Variants in HIVEP1 observed in about 807,000 individuals in gnomAD.
HIVEP1 encodes the protein zinc finger protein 40.
HIVEP1 carries 36 observed loss-of-function variants against 180.0 expected under a neutral mutation model. That is an observed-to-expected ratio of 0.20 (90% confidence interval 0.15 to 0.26). The LOEUF (loss-of-function observed/expected upper bound fraction) is 0.26, where lower values mean the gene tolerates loss of function less well. Ranked by LOEUF, HIVEP1 falls within the 10% of genes least tolerant of loss-of-function variation. The probability of loss-of-function intolerance (pLI) is 1.00; values close to 1 mark genes in which losing one functional copy is unlikely to be tolerated. For synonymous variants in HIVEP1, 1,239 were observed against 1,239.0 expected, an observed-to-expected ratio of 1.00 and a Z score of 0.00; for missense variants, 3,143 against 3,268.7, an observed-to-expected ratio of 0.96 and a Z score of 0.94.
chr6:12,009,706 A>G (rs575296806), upstream of HIVEP1, among the ~76,000 whole-genome samples: 17 of 152,254 alleles, frequency 1.1e-4, no homozygotes, highest in Non-Finnish European at 2.4e-4. Context: ...ATATCTGGGA[A>G]GAATTGTAGG....
chr6:12,119,739 A>G, intron 3 of HIVEP1, 151 bp from the exon 4 acceptor site: 1 of 556,014 alleles, frequency 1.8e-6, no homozygotes, highest in Non-Finnish European at 3.1e-6. Context: ...CGGAATGCAG[A>G]AGTGCAATTT....
intron 2 of HIVEP1, among the ~76,000 whole-genome samples, chr6:12,047,396 G>C (rs1454289992): frequency 6.6e-6 from 1 of 152,214 alleles, no homozygotes; most frequent in Admixed American, 6.5e-5. Context: ...TCAGGAAGTT[G>C]GACGGTTGGC....
intron 2 of HIVEP1, among the ~76,000 whole-genome samples, chr6:12,086,770 G>C (rs1481588393): frequency 2.0e-5 from 3 of 152,078 alleles, no homozygotes; most frequent in African/African-American, 7.2e-5. Context: ...TAATATGTAT[G>C]CACGTGGGAT....
At chr6:12,184,062 C>T in the HIVEP1 span, among the ~76,000 whole-genome samples, 39 of 140,234 alleles carry the variant, frequency 2.8e-4, no homozygotes, top group African/African-American at 8.1e-4. Flanking sequence ...GACAGACAGA[C>T]TGATTTGGGG....
chr6:12,208,752 T>G, the HIVEP1 span, among the ~76,000 whole-genome samples: 2 of 152,210 alleles, frequency 1.3e-5, no homozygotes, highest in South Asian at 4.2e-4. Context: ...GAAGGTGCCA[T>G]CTACCAGCCA....
At chr6:12,078,274 G>T (rs905898119) in intron 2 of HIVEP1, among the ~76,000 whole-genome samples, 1 of 152,114 alleles carries the variant, frequency 6.6e-6, no homozygotes, top group Non-Finnish European at 1.5e-5. Context: ...AGTCTCGGTG[G>T]TCTGTGTTTC....
At chr6:12,195,134 C>T in the HIVEP1 span, among the ~76,000 whole-genome samples, 1 of 152,168 alleles carries the variant, frequency 6.6e-6, no homozygotes. Flanking sequence ...ATCTCTGACT[C>T]CAGATAAATT....
At position 12,032,351 on chromosome 6, in the gene HIVEP1, C is replaced by T. The variant is rs578255985; in HGVS notation, c.40+16683C>T. The stretch of plus-strand genomic sequence containing the variant: ...TAGAGACAGGGTTTCACTGTGTTAG[C>T]CAGGATGGTCTCGATTTCCTGACCT... On this transcript the variant is annotated intron_variant, in intron 2 of 8. Transcript: ENST00000379388. Among the ~76,000 whole-genome samples the T allele has an allele frequency of 7.7e-4, 117 of 152,026 alleles. 2 individuals carry two copies. Among genetic ancestry groups the T allele is most frequent in the Non-Finnish European group, 1.3e-3 (89 of 67,976 alleles).
the HIVEP1 span, among the ~76,000 whole-genome samples, chr6:12,188,447 A>G: frequency 6.6e-6 from 1 of 152,200 alleles, no homozygotes; most frequent in Non-Finnish European, 1.5e-5. Flanking sequence ...GGAAAAAAAG[A>G]GAAATGAAAA....
intron 7 of HIVEP1, among the ~76,000 whole-genome samples, chr6:12,154,774 C>T (rs1759921454): frequency 6.6e-6 from 1 of 152,132 alleles, no homozygotes; most frequent in Admixed American, 6.5e-5. Context: ...ATGTATGTAA[C>T]AAACCTGCAC....
At chr6:12,118,739 A>G (rs1775375710) in intron 3 of HIVEP1, among the ~76,000 whole-genome samples, 1 of 152,220 alleles carries the variant, frequency 6.6e-6, no homozygotes, top group African/African-American at 2.4e-5. Context: ...TTTGTTGGTA[A>G]GAAACCACAA....
Position 12,121,290 on chromosome 6 carries a change from G to C in HIVEP1, c.1495G>C (p.Gly499Arg). The change falls in exon 4 of 9, where the codon GGC becomes CGC. Residue 499 changes from glycine to arginine, a missense_variant. Physicochemically the swap from Gly to Arg is moderately radical, Grantham distance 125. Coordinates refer to ENST00000379388, the MANE Select transcript of HIVEP1 (RefSeq NM_002114.4). The surrounding 1 kb of genome is among the most constrained non-coding windows in gnomAD (Gnocchi z 5.3). ...VEDSGESEEE[G>R]ATDERQHDLG... ...AGACAGTGGGGAGAGCGAGGAGGAA[G>C]GCGCCACTGATGAGAGACAGCATGA... 27 of 1,614,160 alleles carry C rather than the reference G, an allele frequency of 1.7e-5. No individual in the cohort carries two copies. Among genetic ancestry groups the C allele is most frequent in the East Asian group, 2.2e-5 (1 of 44,888 alleles).
intron 2 of HIVEP1, among the ~76,000 whole-genome samples, chr6:12,017,664 G>T (rs934874308): frequency 2.0e-5 from 3 of 152,202 alleles, no homozygotes; most frequent in African/African-American, 7.2e-5. Flanking sequence ...TTTTGACAGG[G>T]TGCTGATTGG....
rs1771380270 is a variant in HIVEP1 at position 12,063,626 on chromosome 6, G to A, written c.41-25558G>A. 6.6e-6 allele frequency among the ~76,000 whole-genome samples: 1 copy of A among 152,264 alleles called. No homozygotes were observed. Among genetic ancestry groups the A allele is most frequent in the East Asian group, 1.9e-4 (1 of 5,176 alleles). On this transcript the variant is annotated intron_variant, in intron 2 of 8. Coordinates refer to ENST00000379388, the MANE Select transcript of HIVEP1 (RefSeq NM_002114.4). This position sits in a 1 kb window ranked among gnomAD's most constrained non-coding sequence, Gnocchi z 4.2. ...GGGGAGAGAAGGGGCTTGGATCTGGGTGGCTGAAGTGGGCAGCTTGGAGAG... is the reference window on the plus strand; with the variant it reads ...GGGGAGAGAAGGGGCTTGGATCTGGATGGCTGAAGTGGGCAGCTTGGAGAG...
the HIVEP1 span, among the ~76,000 whole-genome samples, chr6:12,184,819 T>C: frequency 6.6e-6 from 1 of 152,218 alleles, no homozygotes; most frequent in African/African-American, 2.4e-5. Context: ...AAAAGTGATA[T>C]GTATTATTAT....
At chr6:12,065,518 T>C (rs1771510467) in intron 2 of HIVEP1, among the ~76,000 whole-genome samples, 1 of 152,180 alleles carries the variant, frequency 6.6e-6, no homozygotes, top group African/African-American at 2.4e-5. Context: ...GCATAGAGTA[T>C]CACTGTACCA....
rs750065423 is a variant in HIVEP1 at position 12,164,413 on chromosome 6, C to T, written c.8109C>T (p.Ser2703=). Residue 2703 remains serine, a synonymous_variant, in exon 9 of 9, where the codon AGC becomes AGT. Transcript: ENST00000379388. ...GGAGGCAGCCCACTGTGCACTTCAGCGACGTGAGCAGCGATGATGACGAGG... is the reference window on the plus strand; with the variant it reads ...GGAGGCAGCCCACTGTGCACTTCAGTGACGTGAGCAGCGATGATGACGAGG... The part of the protein sequence containing the change: ...LPRRQPTVHF[S]DVSSDDDEDR... The T allele has an allele frequency of 9.9e-6, 16 of 1,613,726 alleles. No homozygotes were observed. The highest frequency in any genetic ancestry group is 2.7e-5 in the African/African-American group (2 of 74,908).
intron 2 of HIVEP1, among the ~76,000 whole-genome samples, chr6:12,022,176 A>ATT (rs768678729): frequency 2.1e-5 from 3 of 146,058 alleles, no homozygotes; most frequent in Non-Finnish European, 4.6e-5. Flanking sequence ...CACATACAGG[A>ATT]TTTTTTTTTT....
intron 7 of HIVEP1, among the ~76,000 whole-genome samples, chr6:12,147,382 G>A (rs1201532203): frequency 2.0e-5 from 3 of 152,162 alleles, no homozygotes; most frequent in African/African-American, 7.2e-5. Flanking sequence ...AGTCTGAACC[G>A]AAGTTGTTTA....
Sources: gnomAD v4.1 joint callset for allele counts (sites outside exome capture counted in the v4.1 genomes callset) on GRCh38, gnomAD v4.1.1 for gene constraint, Gnocchi (gnomAD v3.1) non-coding constraint, MANE v1.5 for transcripts, NCBI Gene and HGNC (gene_info 2026-07-23, HGNC 2026-07-21) for gene names.